Variants in ASIC2 observed in about 807,000 individuals in gnomAD.
The protein encoded by ASIC2 is acid sensing ion channel subunit 2, also known as acid-sensing ion channel 2.
In ASIC2, 25 loss-of-function variants were observed where a neutral mutation model predicts 57.3. That is an observed-to-expected ratio of 0.44 (90% CI 0.32 to 0.61). The LOEUF is 0.61. ASIC2 is among the 20% of genes least tolerant of loss of function. ASIC2 has a pLI of 0.06. For synonymous variants in ASIC2, 319 were observed against 307.5 expected (o/e 1.04, Z -0.39); for missense variants, 641 against 738.1 (o/e 0.87, Z 1.52).
chr17:33,859,110 A>G (rs1336965645), intron 1 of ASIC2, among the ~76,000 whole-genome samples: 1 of 152,262 alleles, frequency 6.6e-6, no homozygotes, highest in African/African-American at 2.4e-5. Flanking sequence ...GTGTCCACAC[A>G]CATAAATCTC....
At chr17:34,087,256 A>G (rs1910145360) in intron 1 of ASIC2, among the ~76,000 whole-genome samples, 2 of 151,634 alleles carry the variant, frequency 1.3e-5, no homozygotes, top group Admixed American at 1.3e-4. Context: ...ATCTCTCAGC[A>G]TTTGCTTGTC....
intron 1 of ASIC2, among the ~76,000 whole-genome samples, chr17:33,371,696 A>AT (rs5820037): frequency 5.0e-4 from 76 of 150,832 alleles, no homozygotes; most frequent in Non-Finnish European, 7.3e-4. Flanking sequence ...ATACTTTGGG[A>AT]TTTTTTTTTT....
chr17:33,583,209 A>C (rs139846551), intron 1 of ASIC2, among the ~76,000 whole-genome samples: 157 of 152,320 alleles, frequency 1.0e-3, no homozygotes, highest in African/African-American at 3.7e-3. Flanking sequence ...CAATGCCATA[A>C]ACCCATAAAC....
intron 1 of ASIC2, among the ~76,000 whole-genome samples, chr17:33,679,050 A>G (rs1907918123): frequency 6.6e-6 from 1 of 152,210 alleles, no homozygotes; most frequent in South Asian, 2.1e-4. Context: ...TCATGTTTCA[A>G]CAAGAATGTA....
intron 1 of ASIC2, among the ~76,000 whole-genome samples, chr17:33,751,093 AG>A: frequency 6.6e-6 from 1 of 152,264 alleles, no homozygotes; most frequent in South Asian, 2.1e-4. Flanking sequence ...CACCCAGGGT[AG>A]GGACGGGTGG....
chr17:33,474,182 C>T (rs2141921624), intron 1 of ASIC2, among the ~76,000 whole-genome samples: 1 of 152,308 alleles, frequency 6.6e-6, no homozygotes, highest in South Asian at 2.1e-4. Context: ...GCCTGGACTA[C>T]ATGGTGAAAC....
At chr17:33,923,649 G>A (rs149975645) in intron 1 of ASIC2, among the ~76,000 whole-genome samples, 143 of 152,292 alleles carry the variant, frequency 9.4e-4, no homozygotes, top group African/African-American at 3.1e-3. Flanking sequence ...CTGTGGGGCC[G>A]GGGAGTGGGG....
chr17:33,789,771 T>C (rs977927425), intron 1 of ASIC2, among the ~76,000 whole-genome samples: 7 of 152,170 alleles, frequency 4.6e-5, no homozygotes, highest in Non-Finnish European at 1.0e-4. Flanking sequence ...GATATGTTTA[T>C]ATGGATTTTG....
intron 2 of ASIC2, among the ~76,000 whole-genome samples, chr17:33,091,997 T>C (rs1434789644): frequency 1.3e-5 from 2 of 152,174 alleles, no homozygotes; most frequent in Non-Finnish European, 2.9e-5. Context: ...ATAGCACAGT[T>C]CTAGAATATC....
intron 1 of ASIC2, among the ~76,000 whole-genome samples, chr17:33,313,261 T>A (rs11657151): frequency 2.9e-4 from 44 of 151,100 alleles, no homozygotes; most frequent in Middle Eastern, 3.4e-3. Flanking sequence ...CAGGAGTTTG[T>A]GGTTTCAGTG....
At chr17:33,828,784 A>T (rs749546070) in intron 1 of ASIC2, among the ~76,000 whole-genome samples, 9 of 152,200 alleles carry the variant, frequency 5.9e-5, no homozygotes, top group Non-Finnish European at 1.0e-4. Flanking sequence ...CACAATGTAG[A>T]TAAAAACAAT....
At chr17:34,142,072 A>G (rs994676895) in intron 1 of ASIC2, among the ~76,000 whole-genome samples, 5 of 152,212 alleles carry the variant, frequency 3.3e-5, no homozygotes, top group Admixed American at 2.0e-4. Flanking sequence ...TTCTGCTAGG[A>G]AATCATTCCA....
At chr17:33,858,262 AAAAC>A (rs1914014106) in intron 1 of ASIC2, among the ~76,000 whole-genome samples, 1 of 152,192 alleles carries the variant, frequency 6.6e-6, no homozygotes, top group African/African-American at 2.4e-5. Context: ...TGAGGGAGGT[AAAAC>A]AAACCTCACT....
chr17:33,387,562 C>T (rs182201516), intron 1 of ASIC2, among the ~76,000 whole-genome samples: 122 of 152,352 alleles, frequency 8.0e-4, no homozygotes, highest in African/African-American at 7.9e-4. Context: ...CAATTCTGCG[C>T]GCCTGCGCCA....
intron 1 of ASIC2, among the ~76,000 whole-genome samples, chr17:33,862,208 C>T (rs1489722360): frequency 6.6e-6 from 1 of 152,184 alleles, no homozygotes; most frequent in Non-Finnish European, 1.5e-5. Flanking sequence ...TCTGAGTTTT[C>T]CAAACATTTT....
chr17:33,390,038 C>T (rs912637991), intron 1 of ASIC2, among the ~76,000 whole-genome samples: 5 of 151,958 alleles, frequency 3.3e-5, no homozygotes, highest in Admixed American at 6.6e-5. Context: ...TCTGGCTGGG[C>T]GTGGTGGTTC....
At chr17:33,116,640 G>C (rs898689413) in intron 1 of ASIC2, among the ~76,000 whole-genome samples, 1 of 152,150 alleles carries the variant, frequency 6.6e-6, no homozygotes, top group Non-Finnish European at 1.5e-5. Flanking sequence ...AGGAATGGTG[G>C]GGGGTGGGGG....
intron 1 of ASIC2, among the ~76,000 whole-genome samples, chr17:33,887,285 G>A (rs1487359922): frequency 6.6e-6 from 1 of 152,114 alleles, no homozygotes; most frequent in African/African-American, 2.4e-5. Context: ...ACATGATGAG[G>A]GTCTCTGTCC....
Position 33,366,130 on chromosome 17 carries a change from A to G in ASIC2, c.556-254063T>C, listed in dbSNP as rs1270059220. On this transcript the variant is annotated intron_variant, in intron 1 of 9. Coordinates refer to the ASIC2 transcript ENST00000359872. ...TCCCATGATGCTATGAGTGGGGACA[A>G]AAGGCCAGCAGTGGAGCCCTGCTCT... Among the ~76,000 whole-genome samples the G allele has an allele frequency of 2.6e-5, 4 of 152,366 alleles. 1 individual carries two copies. The South Asian group carries it at 6.2e-4, about 24-fold the overall frequency.
Sources: gnomAD v4.1 joint callset for allele counts (sites outside exome capture counted in the v4.1 genomes callset) on GRCh38, gnomAD v4.1.1 for gene constraint, MANE v1.5 for transcripts, NCBI Gene and HGNC (gene_info 2026-07-23, HGNC 2026-07-21) for gene names.